The following SHMT1 variants were observed in gnomAD, a reference collection of about 807,000 sequenced individuals.
The protein encoded by SHMT1 is serine hydroxymethyltransferase, cytosolic.
In SHMT1, 45 loss-of-function variants were observed where a neutral mutation model predicts 49.0. The ratio of observed to expected loss-of-function variants is 0.92; its 90% CI spans 0.72 to 1.18. SHMT1 has a LOEUF of 1.18. SHMT1 is among the 50% of genes most tolerant of loss of function. The pLI, the probability that SHMT1 is intolerant of heterozygous loss-of-function variation, is 0.00. For missense variants in SHMT1, 541 were observed against 612.4 expected, an observed-to-expected ratio of 0.88 and a Z score of 1.23; for synonymous variants, 232 against 246.6, an observed-to-expected ratio of 0.94 and a Z score of 0.55.
At chr17:18,350,011 ACT>A (rs71155331) in intron 3 of SHMT1, among the ~76,000 whole-genome samples, 43,931 of 150,002 alleles carry the variant, frequency 0.29, 6,708 homozygotes, top group African/African-American at 0.34. Context: ...CAAGAGCAAA[ACT>A]CTGTCTCAAA....
chr17:18,353,539 G>T, intron 3 of SHMT1, 133 bp downstream of exon 3: 1 of 911,716 alleles, frequency 1.1e-6, no homozygotes, highest in Non-Finnish European at 1.8e-6. Flanking sequence ...CTGTCAGAGA[G>T]CAGGCGTGGA....
rs1189860023 is a variant in SHMT1 at position 18,355,972 on chromosome 17, G to T, written c.10C>A (p.Pro4Thr). 1.2e-6 allele frequency: 2 copies of T among 1,612,666 alleles called. No homozygotes were observed. The highest frequency in any genetic ancestry group is 8.5e-7 in the Non-Finnish European group (1 of 1,178,670). The change falls in exon 2 of 12, where the codon CCA (proline) becomes ACA (threonine). Residue 4 changes from proline to threonine, a missense_variant. Coordinates refer to ENST00000316694, the MANE Select transcript of SHMT1 (RefSeq NM_004169.5). Reference protein sequence around the residue: MTMPVNGAHKDADL... With the variant: MTMTVNGAHKDADL... ...GCATCCTTGTGGGCCCCGTTGACTG[G>T]CATCGTCATTGCACTGGTTCGAAGC... is the stretch of plus-strand genomic sequence containing the variant.
chr17:18,354,883 AAAAAATAATAC>A (rs1986071973), intron 2 of SHMT1, among the ~76,000 whole-genome samples: 1 of 146,496 alleles, frequency 6.8e-6, no homozygotes. Context: ...ACTAAAAAAA[AAAAAATAATAC>A]AAAAAATTAG....
intron 3 of SHMT1, 59 bp downstream of exon 3, chr17:18,353,613 G>C: frequency 6.4e-7 from 1 of 1,570,218 alleles, no homozygotes; most frequent in Non-Finnish European, 8.8e-7. Context: ...TAGGTCCTAG[G>C]CTGACTGAGT....
At chr17:18,348,754 T>A in intron 3 of SHMT1, 1 of 527,342 alleles carries the variant, frequency 1.9e-6, no homozygotes, top group East Asian at 5.3e-5. Flanking sequence ...GCAGGAGGAT[T>A]GCTTGAGCCC....
At chr17:18,335,018 C>T (rs966122050) in intron 8 of SHMT1, among the ~76,000 whole-genome samples, 7 of 152,230 alleles carry the variant, frequency 4.6e-5, no homozygotes, top group Admixed American at 4.6e-4. Context: ...TGTCCTTGTT[C>T]CATGAAGGCA....
chr17:18,331,364 C>T (rs1302485539), intron 9 of SHMT1: 1 of 159,540 alleles, frequency 6.3e-6, no homozygotes, highest in African/African-American at 2.4e-5. Flanking sequence ...CAGCTGTGCC[C>T]ACCCACTTGC....
Position 18,340,647 on chromosome 17 carries a change from C to A in SHMT1, c.601+85G>T. 1 of 1,204,936 alleles carries A rather than the reference C, an allele frequency of 8.3e-7. No homozygotes were observed. Among genetic ancestry groups the A allele is most frequent in the Non-Finnish European group, 1.2e-6 (1 of 829,904 alleles). The allele number at this position is 1,204,936 out of a possible 1,614,324, so 74.6% of individuals were successfully genotyped here. The stretch of plus-strand genomic sequence containing the variant: ...GGGCAGAAACTAGCAGTGGGCTCAA[C>A]AGGGTGCGAACATCTTTCCATCCTC... On this transcript the variant is annotated intron_variant, in intron 6 of 11. Coordinates refer to ENST00000316694, the MANE Select transcript of SHMT1 (RefSeq NM_004169.5). The surrounding 1 kb of genome is among the most constrained non-coding windows in gnomAD (Gnocchi z 4.5).
intron 3 of SHMT1, among the ~76,000 whole-genome samples, chr17:18,351,895 A>T (rs558585854): frequency 1.3e-5 from 2 of 152,198 alleles, no homozygotes; most frequent in Non-Finnish European, 2.9e-5. Flanking sequence ...CCCCAGCTGG[A>T]GTGCATTGGC....
At chr17:18,330,923 GA>G in intron 9 of SHMT1, 1 of 510,338 alleles carries the variant, frequency 2.0e-6, no homozygotes. Flanking sequence ...ATGGGGAAGG[GA>G]CAGCTTCCTC....
At chr17:18,353,649 G>C (rs372897812) in intron 3 of SHMT1, 23 bp downstream of exon 3, 18 of 1,613,204 alleles carry the variant, frequency 1.1e-5, no homozygotes, top group Admixed American at 6.7e-5. Flanking sequence ...GTCAGAACCA[G>C]GCCTTTGAAG....
intron 3 of SHMT1, among the ~76,000 whole-genome samples, chr17:18,350,509 G>A (rs1419011859): frequency 2.0e-5 from 3 of 151,506 alleles, no homozygotes; most frequent in Admixed American, 6.6e-5. Context: ...GTGGTGGCAC[G>A]CACCTGTGGT....
At chr17:18,347,334 G>A (rs761977422) in intron 5 of SHMT1, among the ~76,000 whole-genome samples, 162 bp downstream of exon 5, 24 of 152,188 alleles carry the variant, frequency 1.6e-4, no homozygotes, top group Non-Finnish European at 3.4e-4. Flanking sequence ...CTGCCCCAGC[G>A]GGTCCTGAAA....
intron 7 of SHMT1, among the ~76,000 whole-genome samples, chr17:18,338,796 T>C (rs529762115): frequency 3.5e-4 from 53 of 152,246 alleles, no homozygotes; most frequent in African/African-American, 1.2e-3. Flanking sequence ...CAGGGTTAAA[T>C]GGATTAAGGG....
chr17:18,339,064 A>T (rs1239185272), intron 7 of SHMT1, among the ~76,000 whole-genome samples: 2 of 149,412 alleles, frequency 1.3e-5, no homozygotes, highest in Non-Finnish European at 3.0e-5. Context: ...AAAAAAAAAA[A>T]AAAAAAAAAA....
chr17:18,330,964 A>G lies in SHMT1; in HGVS notation c.1055-293T>C, dbSNP rs547391887. 3 of 433,048 alleles carry G rather than the reference A, an allele frequency of 6.9e-6. No homozygotes were observed. In the East Asian group the frequency reaches 1.5e-4, roughly 22 times the overall value. 26.8% of individuals were successfully genotyped at this position (433,048 alleles called of 1,614,324 possible). On this transcript the variant is annotated intron_variant, in intron 9 of 11. Transcript: ENST00000316694. ...TGCTCCTGGCTTGTTTTCTCTGACA[A>G]GTTGCTTGGGCAATTCCCTAACATT...
intron 3 of SHMT1, 59 bp from the exon 4 acceptor site, chr17:18,348,499 A>G (rs779894537): frequency 8.1e-7 from 1 of 1,235,632 alleles, no homozygotes; most frequent in Non-Finnish European, 1.2e-6. Context: ...TGTGCTTCAC[A>G]GAGGCCAAAG....
intron 1 of SHMT1, among the ~76,000 whole-genome samples, chr17:18,359,217 G>A (rs1427074315): frequency 6.7e-6 from 1 of 149,318 alleles, no homozygotes; most frequent in African/African-American, 2.5e-5. Context: ...TAGCCTGGGT[G>A]ACAAAGCAAG....
At chr17:18,341,070 A>G (rs1984452679) in intron 5 of SHMT1, 9 of 536,590 alleles carry the variant, frequency 1.7e-5, no homozygotes, top group Non-Finnish European at 3.0e-5. Flanking sequence ...GAAGGAACCA[A>G]AAAGCACCTG....
Sources: gnomAD v4.1 joint callset for allele counts (sites outside exome capture counted in the v4.1 genomes callset) on GRCh38, gnomAD v4.1.1 for gene constraint, Gnocchi (gnomAD v3.1) non-coding constraint, MANE v1.5 for transcripts, NCBI Gene and HGNC (gene_info 2026-07-23, HGNC 2026-07-21) for gene names.